Variants in RPAP2 observed in about 807,000 individuals in gnomAD.
The protein encoded by RPAP2 is putative RNA polymerase II subunit B1 CTD phosphatase RPAP2.
In RPAP2, 52 loss-of-function variants were observed where a neutral mutation model predicts 73.1. The ratio of observed to expected loss-of-function variants is 0.71; its 90% CI spans 0.57 to 0.90. The LOEUF (loss-of-function observed/expected upper bound fraction) is 0.90. Ranked by LOEUF, RPAP2 falls within the 40% of genes least tolerant of loss-of-function variation. The pLI is 0.00. For missense variants in RPAP2, 598 were observed against 701.8 expected (o/e 0.85, Z 1.67); for synonymous variants, 225 against 242.1 (o/e 0.93, Z 0.65).
chr1:92,321,870 T>G (rs1459730174), intron 7 of RPAP2, among the ~76,000 whole-genome samples: 2 of 152,082 alleles, frequency 1.3e-5, no homozygotes, highest in Non-Finnish European at 2.9e-5. Flanking sequence ...TTTTATCATT[T>G]TATCTTTTCA....
chr1:92,373,770 A>AAAAG (rs1557630371), intron 11 of RPAP2, among the ~76,000 whole-genome samples: 2 of 138,328 alleles, frequency 1.4e-5, no homozygotes, highest in African/African-American at 5.3e-5. Flanking sequence ...AAAAAAAAAA[A>AAAAG]GTAGCCAGGC....
At chr1:92,352,269 C>G (rs550254456) in intron 11 of RPAP2, among the ~76,000 whole-genome samples, 1 of 152,238 alleles carries the variant, frequency 6.6e-6, no homozygotes, top group South Asian at 2.1e-4. Flanking sequence ...CATGCAAGTC[C>G]TGGGAAATGG....
intron 10 of RPAP2, among the ~76,000 whole-genome samples, chr1:92,337,910 T>C (rs1445391845): frequency 6.6e-6 from 1 of 152,176 alleles, no homozygotes; most frequent in Non-Finnish European, 1.5e-5. Context: ...TAAAATCTAA[T>C]GTCTATTATT....
chr1:92,357,148 G>A (rs1396649748), intron 11 of RPAP2, among the ~76,000 whole-genome samples: 1 of 151,662 alleles, frequency 6.6e-6, no homozygotes, highest in African/African-American at 2.4e-5. Context: ...GCAATGCTAT[G>A]AGTAAGACTG....
intron 11 of RPAP2, among the ~76,000 whole-genome samples, chr1:92,351,051 C>T (rs1571109841): frequency 6.6e-6 from 1 of 151,884 alleles, no homozygotes; most frequent in African/African-American, 2.4e-5. Flanking sequence ...CAGTGTCTCA[C>T]GCCTGTGAGC....
chr1:92,327,009 G>A (rs1217158450), intron 8 of RPAP2, among the ~76,000 whole-genome samples: 2 of 152,178 alleles, frequency 1.3e-5, no homozygotes, highest in East Asian at 3.8e-4. Context: ...AGTTCAGCTG[G>A]CCTATCATAT....
chr1:92,307,259 G>T lies in RPAP2; in HGVS notation c.471G>T (p.Trp157Cys), dbSNP rs771951158. The change falls in exon 6 of 13, where the codon TGG becomes TGT. Residue 157 changes from tryptophan (W) to cysteine (C), a missense_variant. By Grantham distance (215) the Trp-to-Cys change is radical. Transcript: ENST00000610020. ...CACAAATTCCCAAAACTCCAGTATG[G>T]GTTCGAGAAGAAGAGAGGTAATTTA... ...FEAQIPKTPV[W>C]VREEERHPDF... 6.2e-7 allele frequency: 1 copy of T among 1,609,446 alleles called. No homozygotes were observed. The highest frequency in any genetic ancestry group is 8.5e-7 in the Non-Finnish European group (1 of 1,177,420).
intron 10 of RPAP2, among the ~76,000 whole-genome samples, chr1:92,344,072 C>T (rs1218193542): frequency 1.3e-5 from 2 of 152,104 alleles, no homozygotes; most frequent in Non-Finnish European, 2.9e-5. Context: ...TGTTTACTGC[C>T]ATAAACAATA....
rs940294482 is a variant in RPAP2 at position 92,394,718 on chromosome 1, G to A, written c.*7707G>A. ...ATCAAGAAATGTAGACACAATCCAT[G>A]TTCATGAATTGGAAGATCAAATGTT... is the stretch of plus-strand genomic sequence containing the variant. On this transcript the variant is annotated 3_prime_UTR_variant, in exon 13 of 13. Transcript: ENST00000610020. 2 of 152,144 alleles carry A rather than the reference G, an allele frequency of 1.3e-5. No individual in the cohort carries two copies. Among genetic ancestry groups the A allele is most frequent in the African/African-American group, 4.8e-5 (2 of 41,426 alleles). 9.4% of individuals were successfully genotyped at this position (152,144 alleles called of 1,614,324 possible).
intron 10 of RPAP2, among the ~76,000 whole-genome samples, chr1:92,344,899 C>G (rs1192895336): frequency 6.6e-6 from 1 of 152,032 alleles, no homozygotes; most frequent in Non-Finnish European, 1.5e-5. Flanking sequence ...TATCCTTTAC[C>G]ATTTATGTAT....
chr1:92,363,703 C>T lies in RPAP2; in HGVS notation c.1689-17021C>T, dbSNP rs377268026. ...CAACCCCACTTCTCTTTCTCCTCCT[C>T]CTCAGCCTACTCAATGTGAAGACAA... On this transcript the variant is annotated intron_variant, in intron 11 of 12. Transcript: ENST00000610020. The T allele has an allele frequency of 2.2e-4, 75 of 338,102 alleles. No homozygotes were observed. In the East Asian group the frequency reaches 6.0e-3, roughly 27 times the overall value. 20.9% of individuals were successfully genotyped at this position (338,102 alleles called of 1,614,324 possible). A position where few individuals can be genotyped will look rare whatever the true frequency, so the allele number is the denominator to read the frequency against.
intron 3 of RPAP2, among the ~76,000 whole-genome samples, chr1:92,301,894 T>A (rs1331985698): frequency 6.6e-6 from 1 of 152,140 alleles, no homozygotes; most frequent in Non-Finnish European, 1.5e-5. Flanking sequence ...ATATGTGAGG[T>A]GATAGATATG....
chr1:92,327,986 A>G lies in RPAP2; in HGVS notation c.1455+3611A>G, dbSNP rs182888813. Reference sequence around the variant, plus strand: ...TAAGGAGGCTAAAGATAGGACTCCAATGTCTTCTAGCTTATAGGGTTTCTG... The same window carrying G: ...TAAGGAGGCTAAAGATAGGACTCCAGTGTCTTCTAGCTTATAGGGTTTCTG... On this transcript the variant is annotated intron_variant, in intron 8 of 12. Transcript: ENST00000610020. Among the ~76,000 whole-genome samples the G allele has an allele frequency of 2.0e-4, 30 of 152,334 alleles. No homozygotes were observed. In the East Asian group the frequency reaches 5.4e-3, roughly 27 times the overall value.
chr1:92,372,024 GTATA>G (rs1655178176), intron 11 of RPAP2, among the ~76,000 whole-genome samples: 1 of 151,784 alleles, frequency 6.6e-6, no homozygotes, highest in African/African-American at 2.4e-5. Flanking sequence ...ATAAAAATAA[GTATA>G]TGAGGTAATG....
intron 7 of RPAP2, 70 bp downstream of exon 7, chr1:92,320,704 T>C: frequency 8.1e-7 from 1 of 1,238,810 alleles, no homozygotes; most frequent in Non-Finnish European, 1.2e-6. Flanking sequence ...GTGAACCAGG[T>C]GATATGAGCT....
At chr1:92,327,138 A>C (rs1157041997) in intron 8 of RPAP2, among the ~76,000 whole-genome samples, 7 of 152,218 alleles carry the variant, frequency 4.6e-5, no homozygotes. Flanking sequence ...AATCAAAATT[A>C]TATCAAATAT....
Position 92,396,177 on chromosome 1 carries a change from C to T in RPAP2, c.*9166C>T, listed in dbSNP as rs970224912. On this transcript the variant is annotated 3_prime_UTR_variant, in exon 13 of 13. Coordinates refer to ENST00000610020, the MANE Select transcript of RPAP2 (RefSeq NM_024813.3). The stretch of plus-strand genomic sequence containing the variant: ...ATTCATATTAGTCAAAAAGTGGAAA[C>T]CAAATGACCATCAACTACTGGATTT... 1 of 151,516 alleles carries T rather than the reference C, an allele frequency of 6.6e-6. No individual in the cohort carries two copies. Among genetic ancestry groups the T allele is most frequent in the Admixed American group, 6.6e-5 (1 of 15,192 alleles). 9.4% of individuals were successfully genotyped at this position (151,516 alleles called of 1,614,324 possible).
intron 6 of RPAP2, among the ~76,000 whole-genome samples, chr1:92,309,479 G>C (rs1369143328): frequency 6.6e-6 from 1 of 150,624 alleles, no homozygotes; most frequent in Non-Finnish European, 1.5e-5. Context: ...TAATCTAAAT[G>C]AATCAACTTA....
chr1:92,353,087 T>C (rs1290392406), intron 11 of RPAP2, among the ~76,000 whole-genome samples: 2 of 152,230 alleles, frequency 1.3e-5, no homozygotes, highest in East Asian at 3.8e-4. Context: ...TGTTTATTCA[T>C]CAGTTGACAA....
Sources: allele counts gnomAD v4.1 joint callset (sites outside exome capture counted in the v4.1 genomes callset), GRCh38; gene constraint gnomAD v4.1.1; transcripts MANE v1.5; gene names NCBI Gene and HGNC (gene_info 2026-07-23, HGNC 2026-07-21).